The following UPF2 variants were observed in gnomAD, a reference collection of about 807,000 sequenced individuals.
The protein encoded by UPF2 is regulator of nonsense transcripts 2.
Under a neutral mutation model 141.4 loss-of-function variants are expected in UPF2, and 17 were observed. The ratio of observed to expected loss-of-function variants is 0.12; its 90% confidence interval spans 0.08 to 0.18. UPF2 has a LOEUF of 0.18. Ranked by LOEUF, UPF2 falls within the 10% of genes least tolerant of loss-of-function variation. The probability of loss-of-function intolerance (pLI) is 1.00; values close to 1 mark genes in which losing one functional copy is unlikely to be tolerated. For missense variants in UPF2, 1,152 were observed against 1,515.9 expected (o/e 0.76, Z 3.99); for synonymous variants, 540 against 498.0 (o/e 1.08, Z -1.12).
intron 3 of UPF2, 121 bp downstream of exon 3, chr10:12,028,624 T>TA (rs1834461442): frequency 1.0e-5 from 10 of 999,630 alleles, no homozygotes; most frequent in Non-Finnish European, 1.3e-5. Context: ...CCTGGAATGT[T>TA]AAGAAATCAC....
At chr10:11,976,807 G>A (rs963998592) in intron 9 of UPF2, among the ~76,000 whole-genome samples, 9 of 152,120 alleles carry the variant, frequency 5.9e-5, no homozygotes, top group Non-Finnish European at 1.0e-4. Context: ...TGGTATAGAA[G>A]GTATAATTAT....
At chr10:11,926,263 C>T (rs1745997104) in intron 21 of UPF2, among the ~76,000 whole-genome samples, 1 of 152,202 alleles carries the variant, frequency 6.6e-6, no homozygotes, top group South Asian at 2.1e-4. Flanking sequence ...CCTCTCCCTG[C>T]ACTGGAGACC....
At chr10:11,946,787 C>T (rs1436719061) in intron 16 of UPF2, among the ~76,000 whole-genome samples, 1 of 151,996 alleles carries the variant, frequency 6.6e-6, no homozygotes, top group Non-Finnish European at 1.5e-5. Context: ...ACTATGTTGT[C>T]CAGGCTGGAC....
chr10:11,938,137 T>C (rs1169023402), intron 18 of UPF2, among the ~76,000 whole-genome samples: 3 of 152,184 alleles, frequency 2.0e-5, no homozygotes, highest in African/African-American at 7.2e-5. Flanking sequence ...TTGCATATAC[T>C]AATAATATAT....
Position 11,967,355 on chromosome 10 carries a change from G to A in UPF2, c.2053C>T (p.Leu685=), listed in dbSNP as rs1434383092. 1 of 1,571,578 alleles carries A rather than the reference G, an allele frequency of 6.4e-7. No individual in the cohort carries two copies. The highest frequency in any genetic ancestry group is 2.4e-5 in the East Asian group (1 of 42,464). Residue 685 remains leucine (L), a synonymous_variant, in exon 10 of 22, where the codon CTG becomes TTG. Coordinates refer to ENST00000357604, the MANE Select transcript of UPF2 (RefSeq NM_015542.4). ...TCAGCACTAACCTTTAAACAATGCA[G>A]TGTGTCATTTTTGGTGAACATCTTA... ...KFKMFTKNDT[L]HCLKMLLSDF...
intron 8 of UPF2, among the ~76,000 whole-genome samples, chr10:11,993,381 CCTT>C (rs1164342627): frequency 1.3e-5 from 2 of 152,034 alleles, no homozygotes; most frequent in Non-Finnish European, 2.9e-5. Flanking sequence ...GGGAGTCACA[CCTT>C]TAATCCACCT....
rs529710497 is a variant in UPF2 at position 12,026,457 on chromosome 10, G to A, written c.1145+2288C>T. On this transcript the variant is annotated intron_variant, in intron 3 of 21. Transcript: ENST00000357604. Reference sequence around the variant, plus strand: ...AACTGGAGGTATTTAACATGGAGACGAGAAAAGGGAAACATCACGGCAGTC... The same window carrying A: ...AACTGGAGGTATTTAACATGGAGACAAGAAAAGGGAAACATCACGGCAGTC... Among the ~76,000 whole-genome samples, 10 of 152,176 alleles carry A rather than the reference G, an allele frequency of 6.6e-5. No individual in the cohort carries two copies. In the South Asian group the frequency reaches 1.2e-3, roughly 19 times the overall value.
Position 12,028,995 on chromosome 10 carries a change from G to A in UPF2, c.895C>T (p.Arg299Trp), listed in dbSNP as rs1217397384. 1.9e-6 allele frequency: 3 copies of A among 1,614,114 alleles called. No homozygotes were observed. The highest frequency in any genetic ancestry group is 1.7e-5 in the Admixed American group (1 of 59,998). Residue 299 changes from arginine (R) to tryptophan (W), a missense_variant, in exon 3 of 22, where the codon CGG becomes TGG. This residue lies in a region of UPF2 where 739 missense variants were observed against 1,032.2 expected (regional missense o/e 0.72). Transcript: ENST00000357604. ...ACAGAGACATGAGTGTGGGACTCCC[G>A]ATCAGCATTAATAATATTTTTTAGC... Reference protein sequence around the residue: ...EQLKNIINADRESHTHVSVVI... With the variant: ...EQLKNIINADWESHTHVSVVI...
chr10:11,978,772 C>A (rs1310947103), intron 9 of UPF2, among the ~76,000 whole-genome samples: 1 of 152,152 alleles, frequency 6.6e-6, no homozygotes, highest in African/African-American at 2.4e-5. Flanking sequence ...CTCTGGCTGT[C>A]TTGACCCTGG....
chr10:11,991,236 G>T (rs995035602), intron 8 of UPF2, among the ~76,000 whole-genome samples: 2 of 151,980 alleles, frequency 1.3e-5, no homozygotes, highest in South Asian at 2.1e-4. Context: ...AGAACTGAAT[G>T]AACTAAAAGA....
chr10:11,928,447 C>T (rs1387971593), intron 21 of UPF2, among the ~76,000 whole-genome samples: 3 of 152,176 alleles, frequency 2.0e-5, no homozygotes, highest in Non-Finnish European at 2.9e-5. Context: ...CAGTGGCTCA[C>T]GCCTGTAATC....
intron 4 of UPF2, among the ~76,000 whole-genome samples, chr10:12,006,957 T>C (rs1340563209): frequency 6.6e-6 from 1 of 152,134 alleles, no homozygotes; most frequent in Non-Finnish European, 1.5e-5. Flanking sequence ...CACCCACCCA[T>C]CTGTGAAGCA....
At chr10:11,958,183 T>A (rs368057673) in intron 12 of UPF2, among the ~76,000 whole-genome samples, 23 of 152,240 alleles carry the variant, frequency 1.5e-4, no homozygotes, top group African/African-American at 4.8e-4. Context: ...CAAGACCCCA[T>A]CTCTATTACA....
In UPF2 at chr10:11,921,723, C is replaced by CT. The variant is rs1832647419; in HGVS notation, c.3810-417dup. The stretch of plus-strand genomic sequence containing the variant: ...GTGGATACCGAGGACAACTGTAGTG[C>CT]TTTTTTGAGAGCATTCATGCTCTCT... On this transcript the variant is annotated intron_variant, in intron 21 of 21. Coordinates refer to ENST00000357604, the MANE Select transcript of UPF2 (RefSeq NM_015542.4). This position sits in a 1 kb window ranked among gnomAD's most constrained non-coding sequence, Gnocchi z 5.9. 6.6e-6 allele frequency among the ~76,000 whole-genome samples: 1 copy of CT among 152,076 alleles called. No homozygotes were observed. The highest frequency in any genetic ancestry group is 6.6e-5 in the Admixed American group (1 of 15,254).
intron 9 of UPF2, among the ~76,000 whole-genome samples, chr10:11,973,136 G>A (rs1157400718): frequency 1.3e-5 from 2 of 152,190 alleles, no homozygotes; most frequent in African/African-American, 2.4e-5. Context: ...GATGGCCAGT[G>A]ATGATGAGCA....
intron 19 of UPF2, among the ~76,000 whole-genome samples, chr10:11,934,797 T>A (rs192733093): frequency 1.8e-4 from 28 of 151,918 alleles, no homozygotes; most frequent in Middle Eastern, 3.4e-3. Flanking sequence ...ACTATGTTGG[T>A]CAGGCTGGTC....
At chr10:12,038,421 A>C (rs945825496) in intron 1 of UPF2, among the ~76,000 whole-genome samples, 19 of 96,748 alleles carry the variant, frequency 2.0e-4, no homozygotes, top group South Asian at 3.5e-4. Context: ...CACACACACA[A>C]ATTACCTTTA....
chr10:12,026,646 CTTTTTTTT>C (rs760035093), intron 3 of UPF2: 2 of 389,470 alleles, frequency 5.1e-6, no homozygotes, highest in Non-Finnish European at 9.9e-6. Flanking sequence ...TTCCTATAAA[CTTTTTTTT>C]TTTTTTTTTT....
intron 4 of UPF2, among the ~76,000 whole-genome samples, chr10:12,007,146 A>C (rs2131274498): frequency 6.6e-6 from 1 of 152,370 alleles, no homozygotes; most frequent in East Asian, 1.9e-4. Context: ...AATGAGATGT[A>C]TCTACAAGAA....
Sources: gnomAD v4.1 joint callset for allele counts (sites outside exome capture counted in the v4.1 genomes callset) on GRCh38, gnomAD v4.1.1 for gene constraint, gnomAD v4.1.1 regional missense constraint, Gnocchi (gnomAD v3.1) non-coding constraint, MANE v1.5 for transcripts, NCBI Gene and HGNC (gene_info 2026-07-23, HGNC 2026-07-21) for gene names.